CA4: variants seen among roughly 807,000 people sequenced by gnomAD.
The protein encoded by CA4 is CA-IV.
In CA4, 24 loss-of-function variants were observed where a neutral mutation model predicts 34.5. The ratio of observed to expected loss-of-function variants is 0.70; its 90% confidence interval spans 0.50 to 0.98. The LOEUF (loss-of-function observed/expected upper bound fraction) is 0.98, where lower values mean the gene tolerates loss of function less well. Ranked by LOEUF, CA4 falls within the 50% of genes least tolerant of loss-of-function variation. CA4 has a pLI of 0.00. For synonymous variants in CA4, 178 were observed against 170.6 expected (o/e 1.04, Z -0.34); for missense variants, 394 against 396.7 (o/e 0.99, Z 0.06).
intron 5 of CA4, among the ~76,000 whole-genome samples, chr17:60,166,861 G>T (rs2083860906): frequency 6.6e-6 from 1 of 152,210 alleles, no homozygotes; most frequent in Non-Finnish European, 1.5e-5. Context: ...GGAGGCTGAG[G>T]CAGGAGAATT....
chr17:60,159,498 C>A lies in CA4; in HGVS notation c.*74C>A. On this transcript the variant is annotated 3_prime_UTR_variant, in exon 8 of 8. Coordinates refer to ENST00000300900, the MANE Select transcript of CA4 (RefSeq NM_000717.5). ...CCAGGCTTCCGGTCCTTAGCCTTCC[C>A]AGGTGGGACTTTAGGCATGATTAAA... 1.3e-6 allele frequency: 2 copies of A among 1,492,710 alleles called. No homozygotes were observed. The highest frequency in any genetic ancestry group is 1.4e-5 in the African/African-American group (1 of 72,570). The allele number at this position is 1,492,710 out of a possible 1,614,324, so 92.5% of individuals were successfully genotyped here. A position where few individuals can be genotyped will look rare whatever the true frequency, so the allele number is the denominator to read the frequency against.
downstream of CA4, among the ~76,000 whole-genome samples, chr17:60,161,743 G>A (rs1292427332): frequency 1.3e-5 from 2 of 151,884 alleles, no homozygotes; most frequent in African/African-American, 2.4e-5. Flanking sequence ...TGACCACGCA[G>A]CTGTGGGGGA....
chr17:60,159,504 G>C lies in CA4; in HGVS notation c.*80G>C, dbSNP rs2083760701. Reference sequence around the variant, plus strand: ...TTCCGGTCCTTAGCCTTCCCAGGTGGGACTTTAGGCATGATTAAAATATGG... The same window carrying C: ...TTCCGGTCCTTAGCCTTCCCAGGTGCGACTTTAGGCATGATTAAAATATGG... On this transcript the variant is annotated 3_prime_UTR_variant, in exon 8 of 8. Coordinates refer to ENST00000300900, the MANE Select transcript of CA4 (RefSeq NM_000717.5). 6.8e-7 allele frequency: 1 copy of C among 1,461,416 alleles called. No individual in the cohort carries two copies. Among genetic ancestry groups the C allele is most frequent in the Non-Finnish European group, 9.4e-7 (1 of 1,062,926 alleles). 90.5% of individuals were successfully genotyped at this position (1,461,416 alleles called of 1,614,324 possible).
intron 7 of CA4, chr17:60,158,904 C>G (rs924931302): frequency 4.5e-6 from 2 of 445,364 alleles, no homozygotes; most frequent in Non-Finnish European, 8.3e-6. Flanking sequence ...TGGGGCCCAA[C>G]AAGCCCGCCC....
chr17:60,159,152 G>A (rs2083749676), intron 7 of CA4, 78 bp from the exon 8 acceptor site: 2 of 1,288,364 alleles, frequency 1.6e-6, no homozygotes, highest in South Asian at 1.3e-5. Context: ...AGGACAGGAT[G>A]AGGTGCCTGC....
At position 60,158,401 on chromosome 17, in the gene CA4, C is replaced by T. The variant is rs764759588; in HGVS notation, c.699C>T (p.Val233=). ...CCACACCGACCTGCGATGAGAAGGT[C>T]GTCTGGACTGTGTTCCGGGAGCCCA... is the stretch of plus-strand genomic sequence containing the variant. ...SLTTPTCDEK[V]VWTVFREPIQ... is the part of the protein sequence containing the mutation. The change falls in exon 7 of 8, where the codon GTC becomes GTT. Residue 233 remains valine (V), a synonymous_variant. Transcript: ENST00000300900. 8.7e-6 allele frequency: 14 copies of T among 1,614,138 alleles called. No individual in the cohort carries two copies. The highest frequency in any genetic ancestry group is 4.5e-5 in the East Asian group (2 of 44,876).
Position 60,149,975 on chromosome 17 carries a change from C to G in CA4, c.-60C>G. ...ACCCAGGCCGGCAGGATCGCTGCACCCGCGGCGGCCTCCTCGGTGCGCGAC... is the reference window on the plus strand; with the variant it reads ...ACCCAGGCCGGCAGGATCGCTGCACGCGCGGCGGCCTCCTCGGTGCGCGAC... On this transcript the variant is annotated 5_prime_UTR_variant, in exon 1 of 8. Coordinates refer to ENST00000300900, the MANE Select transcript of CA4 (RefSeq NM_000717.5). The G allele has an allele frequency of 7.1e-7, 1 of 1,403,166 alleles. No homozygotes were observed. The highest frequency in any genetic ancestry group is 9.9e-7 in the Non-Finnish European group (1 of 1,008,056). The allele number at this position is 1,403,166 out of a possible 1,614,324, so 86.9% of individuals were successfully genotyped here. A position where few individuals can be genotyped will look rare whatever the true frequency, so the allele number is the denominator to read the frequency against.
intron 1 of CA4, among the ~76,000 whole-genome samples, chr17:60,154,933 T>A (rs2083651814): frequency 6.6e-6 from 1 of 152,170 alleles, no homozygotes; most frequent in Non-Finnish European, 1.5e-5. Flanking sequence ...CCTCCTCTTC[T>A]CCTCTCACCA....
downstream of CA4, among the ~76,000 whole-genome samples, chr17:60,163,730 C>T (rs886513330): frequency 1.3e-5 from 2 of 152,170 alleles, no homozygotes; most frequent in Non-Finnish European, 2.9e-5. Flanking sequence ...CAGGTTGTTC[C>T]AAGTGTCAGC....
intron 5 of CA4, 115 bp downstream of exon 5, chr17:60,157,903 C>T: frequency 6.6e-7 from 1 of 1,522,190 alleles, no homozygotes; most frequent in Non-Finnish European, 8.9e-7. Flanking sequence ...CCAACTTCCG[C>T]CTCTGTTTCT....
Position 60,157,589 on chromosome 17 carries a change from G to T in CA4, c.414+17G>T. On this transcript the variant is annotated intron_variant, in intron 4 of 7. Coordinates refer to ENST00000300900, the MANE Select transcript of CA4 (RefSeq NM_000717.5). The stretch of plus-strand genomic sequence containing the variant: ...GCCATGGAGGTGAGGGCCCCTTCCC[G>T]ACTGGGACCTTGTCTGGGCTCTGGG... The T allele has an allele frequency of 1.2e-6, 2 of 1,614,092 alleles. No homozygotes were observed. Among genetic ancestry groups the T allele is most frequent in the Non-Finnish European group, 1.7e-6 (2 of 1,180,012 alleles).
In CA4 at chr17:60,157,407, T is replaced by C. The variant is rs375162035; in HGVS notation, c.269-20T>C. ...CTGAGGGAGGCTGGTTCGAGGACTC[T>C]GCCCCTTCTGTGCTCCCAGTGATGA... is the stretch of plus-strand genomic sequence containing the variant. On this transcript the variant is annotated intron_variant, in intron 3 of 7. Coordinates refer to ENST00000300900, the MANE Select transcript of CA4 (RefSeq NM_000717.5). The C allele has an allele frequency of 6.2e-7, 1 of 1,614,134 alleles. No individual in the cohort carries two copies. The highest frequency in any genetic ancestry group is 8.5e-7 in the Non-Finnish European group (1 of 1,179,994).
chr17:60,159,467 C>T lies in CA4; in HGVS notation c.*43C>T. 3 of 1,594,248 alleles carry T rather than the reference C, an allele frequency of 1.9e-6. No homozygotes were observed. The highest frequency in any genetic ancestry group is 2.6e-6 in the Non-Finnish European group (3 of 1,169,872). Reference sequence around the variant, plus strand: ...CAGCCTCTCTGTTGCCTCAGCTCTCCAAGTTCCAGGCTTCCGGTCCTTAGC... The same window carrying T: ...CAGCCTCTCTGTTGCCTCAGCTCTCTAAGTTCCAGGCTTCCGGTCCTTAGC... On this transcript the variant is annotated 3_prime_UTR_variant, in exon 8 of 8. Coordinates refer to ENST00000300900, the MANE Select transcript of CA4 (RefSeq NM_000717.5).
the CA4 span, among the ~76,000 whole-genome samples, chr17:60,177,953 T>C: frequency 3.5e-3 from 539 of 152,156 alleles, no homozygotes; most frequent in Non-Finnish European, 5.6e-3. Context: ...AAGTATATAT[T>C]AAAAAACTAC....
rs1482593379 is a variant in CA4, at chr17:60,159,540, G to C, written c.*116G>C. 7.7e-6 allele frequency: 9 copies of C among 1,173,558 alleles called. No homozygotes were observed. The highest frequency in any genetic ancestry group is 1.1e-5 in the Non-Finnish European group (9 of 817,408). 72.7% of individuals were successfully genotyped at this position (1,173,558 alleles called of 1,614,324 possible). A position where few individuals can be genotyped will look rare whatever the true frequency, so the allele number is the denominator to read the frequency against. On this transcript the variant is annotated 3_prime_UTR_variant, in exon 8 of 8. Coordinates refer to ENST00000300900, the MANE Select transcript of CA4 (RefSeq NM_000717.5). ...ATGATTAAAATATGGACATATTTTT[G>C]GAGAAACCTTTCTCAAGTGTGTTTT... is the stretch of plus-strand genomic sequence containing the variant.
At chr17:60,155,981 C>T (rs1487972900) in intron 2 of CA4, among the ~76,000 whole-genome samples, 34 of 152,140 alleles carry the variant, frequency 2.2e-4, no homozygotes. Context: ...GGTGACTGAG[C>T]AGTGCTGCCC....
At chr17:60,167,801 G>A (rs960214515) in intron 5 of CA4, among the ~76,000 whole-genome samples, 1 of 152,142 alleles carries the variant, frequency 6.6e-6, no homozygotes, top group Non-Finnish European at 1.5e-5. Context: ...CAGTCCTTGA[G>A]CCCTAGGTGG....
chr17:60,171,939 G>A (rs776633304), downstream of CA4, among the ~76,000 whole-genome samples: 5 of 152,218 alleles, frequency 3.3e-5, no homozygotes, highest in Non-Finnish European at 5.9e-5. Context: ...AAACACTGCG[G>A]ACTGGACTTC....
chr17:60,159,900 G>A (rs117070421), downstream of CA4, among the ~76,000 whole-genome samples: 3,591 of 152,288 alleles, frequency 0.024, 66 homozygotes, highest in Non-Finnish European at 0.035. Flanking sequence ...GGCACGTTGC[G>A]AGGCAGAGGC....
Sources: allele counts gnomAD v4.1 joint callset (sites outside exome capture counted in the v4.1 genomes callset), GRCh38; gene constraint gnomAD v4.1.1; transcripts MANE v1.5; gene names NCBI Gene and HGNC (gene_info 2026-07-23, HGNC 2026-07-21).